The following SUGCT variants were observed in gnomAD, a reference collection of about 807,000 sequenced individuals.
The protein encoded by SUGCT is succinyl-CoA:glutarate-CoA transferase, also known as succinyl-CoA:glutarate CoA-transferase.
A neutral mutation model predicts 55.0 loss-of-function variants in SUGCT; 41 were observed. That is an observed-to-expected ratio of 0.74 (90% CI 0.58 to 0.97). The LOEUF is 0.97. SUGCT is among the 50% of genes least tolerant of loss of function. SUGCT has a pLI of 0.00. For synonymous variants in SUGCT, 187 were observed against 200.4 expected (o/e 0.93, Z 0.56); for missense variants, 568 against 547.8 (o/e 1.04, Z -0.37).
intron 11 of SUGCT, among the ~76,000 whole-genome samples, chr7:40,491,598 C>T (rs1791681485): frequency 6.6e-6 from 1 of 151,978 alleles, no homozygotes; most frequent in Non-Finnish European, 1.5e-5. Flanking sequence ...TGGATGTCAT[C>T]TGCATAGAGA....
At position 40,194,954 on chromosome 7, in the gene SUGCT, T is replaced by C; in HGVS notation, c.378T>C (p.Cys126=). 2 of 1,613,574 alleles carry C rather than the reference T, an allele frequency of 1.2e-6. No individual in the cohort carries two copies. Residue 126 remains cysteine, a synonymous_variant, in exon 6 of 14, where the codon TGT becomes TGC. Transcript: ENST00000335693. Reference sequence around the variant, plus strand: ...TCTTCCATCAGCTTGCAGCTGTTTGTGATGTGTTTGTGGAAAACTATGTCC... The same window carrying C: ...TCTTCCATCAGCTTGCAGCTGTTTGCGATGTGTTTGTGGAAAACTATGTCC... The part of the protein sequence containing the change: ...VKIIKELAAV[C]DVFVENYVPG...
chr7:40,173,349 A>G (rs1391012965), intron 1 of SUGCT, among the ~76,000 whole-genome samples: 2 of 152,218 alleles, frequency 1.3e-5, no homozygotes, highest in East Asian at 3.9e-4. Context: ...GGTGGAAGTC[A>G]GCGGCGGGTC....
chr7:40,142,799 T>C (rs1035274074), intron 1 of SUGCT, among the ~76,000 whole-genome samples: 1 of 152,238 alleles, frequency 6.6e-6, no homozygotes, highest in African/African-American at 2.4e-5. Context: ...TCTGCTAATA[T>C]CATGTCTAAG....
intron 12 of SUGCT, among the ~76,000 whole-genome samples, chr7:40,556,688 G>A (rs982313262): frequency 6.6e-6 from 1 of 152,126 alleles, no homozygotes; most frequent in African/African-American, 2.4e-5. Flanking sequence ...TAACCTTTTT[G>A]TGCTTCAGCT....
At chr7:40,336,124 T>G (rs968992113) in intron 9 of SUGCT, among the ~76,000 whole-genome samples, 10 of 152,316 alleles carry the variant, frequency 6.6e-5, no homozygotes, top group African/African-American at 2.4e-4. Flanking sequence ...GATAAGGTTT[T>G]TGATGTGCTG....
chr7:41,007,859 A>G, the SUGCT span, among the ~76,000 whole-genome samples: 3 of 141,436 alleles, frequency 2.1e-5, no homozygotes, highest in African/African-American at 5.1e-5. Flanking sequence ...AAATGGTCTT[A>G]TGTATTTTTT....
intron 13 of SUGCT, among the ~76,000 whole-genome samples, chr7:40,826,136 G>A (rs1328502937): frequency 2.0e-5 from 3 of 152,128 alleles, no homozygotes; most frequent in Non-Finnish European, 4.4e-5. Context: ...AGTTGCTAAA[G>A]CATACCATCA....
intron 7 of SUGCT, among the ~76,000 whole-genome samples, chr7:40,270,452 G>A (rs1202285644): frequency 6.6e-6 from 1 of 151,964 alleles, no homozygotes; most frequent in Non-Finnish European, 1.5e-5. Context: ...TGCAAGGAGG[G>A]GATCCAACTT....
At chr7:40,194,799 CTA>C (rs1302015978) in intron 5 of SUGCT, 139 bp from the exon 6 acceptor site, 1 of 968,686 alleles carries the variant, frequency 1.0e-6, no homozygotes. Flanking sequence ...ACTAGAACTT[CTA>C]TGTTTATCTA....
At chr7:40,520,281 C>G (rs141082893) in intron 12 of SUGCT, among the ~76,000 whole-genome samples, 1 of 152,130 alleles carries the variant, frequency 6.6e-6, no homozygotes, top group African/African-American at 2.4e-5. Context: ...ATTAGAAAAG[C>G]TAAAGATGGG....
chr7:40,687,397 C>T (rs1784511062), intron 12 of SUGCT, among the ~76,000 whole-genome samples: 1 of 152,060 alleles, frequency 6.6e-6, no homozygotes, highest in South Asian at 2.1e-4. Context: ...GTTGTGATTT[C>T]TTGAGGAGAC....
chr7:40,237,808 T>A, intron 7 of SUGCT, 82 bp downstream of exon 7: 1 of 1,124,800 alleles, frequency 8.9e-7, no homozygotes, highest in Non-Finnish European at 1.3e-6. Context: ...ACCCATAGGA[T>A]TAAATGAGTT....
rs151311852 is a variant in SUGCT, at chr7:40,730,309, G to C, written c.1090-19125G>C. On this transcript the variant is annotated intron_variant, in intron 12 of 13. Transcript: ENST00000335693. The stretch of plus-strand genomic sequence containing the variant: ...TTTAGTAGAGATGGGGTTTCACCAT[G>C]TTGACCAGACTGGTCTCAAACTCCT... Among the ~76,000 whole-genome samples the C allele has an allele frequency of 8.9e-3, 1,357 of 152,220 alleles. 16 individuals carry two copies. Among genetic ancestry groups the C allele is most frequent in the African/African-American group, 0.031 (1,276 of 41,528 alleles).
chr7:40,357,111 C>T (rs1410384197), intron 9 of SUGCT, among the ~76,000 whole-genome samples: 1 of 152,138 alleles, frequency 6.6e-6, no homozygotes, highest in Non-Finnish European at 1.5e-5. Context: ...CAGAAACTTA[C>T]TTTGGTTGCA....
chr7:41,037,997 T>A, the SUGCT span, among the ~76,000 whole-genome samples: 1 of 152,188 alleles, frequency 6.6e-6, no homozygotes, highest in Non-Finnish European at 1.5e-5. Context: ...AGGAAAAAAA[T>A]TATCTAATAA....
intron 9 of SUGCT, among the ~76,000 whole-genome samples, chr7:40,386,737 G>A (rs1460606512): frequency 6.6e-6 from 1 of 152,184 alleles, no homozygotes; most frequent in Non-Finnish European, 1.5e-5. Context: ...TGTCCCAGGG[G>A]TGTGAGAAAG....
At chr7:40,233,361 A>G (rs1788831218) in intron 6 of SUGCT, among the ~76,000 whole-genome samples, 1 of 152,082 alleles carries the variant, frequency 6.6e-6, no homozygotes, top group Non-Finnish European at 1.5e-5. Flanking sequence ...CTGGGATTAC[A>G]GGCATGCGCC....
intron 8 of SUGCT, among the ~76,000 whole-genome samples, chr7:40,301,598 T>G (rs1794546000): frequency 6.6e-6 from 1 of 152,222 alleles, no homozygotes; most frequent in South Asian, 2.1e-4. Flanking sequence ...AGTAAAGAAC[T>G]TCATCATGTA....
intron 1 of SUGCT, among the ~76,000 whole-genome samples, chr7:40,177,347 C>T (rs1784975105): frequency 6.9e-6 from 1 of 145,716 alleles, no homozygotes; most frequent in South Asian, 2.3e-4. Flanking sequence ...CATCACTTTC[C>T]TTTTTCTATC....
Sources: allele counts gnomAD v4.1 joint callset (sites outside exome capture counted in the v4.1 genomes callset), GRCh38; gene constraint gnomAD v4.1.1; transcripts MANE v1.5; gene names NCBI Gene and HGNC (gene_info 2026-07-23, HGNC 2026-07-21).